The following KCNC2 variants were observed in gnomAD, a reference collection of about 807,000 sequenced individuals.
KCNC2 encodes the protein potassium voltage-gated channel subfamily C member 2.
In KCNC2, 21 loss-of-function variants were observed where a neutral mutation model predicts 44.5. That is an observed-to-expected ratio of 0.47 (90% CI 0.33 to 0.68). The LOEUF (loss-of-function observed/expected upper bound fraction) is 0.68. Ranked by LOEUF, KCNC2 falls within the 30% of genes least tolerant of loss-of-function variation. KCNC2 has a pLI of 0.01. For missense variants in KCNC2, 589 were observed against 826.2 expected, an observed-to-expected ratio of 0.71 and a Z score of 3.52; for synonymous variants, 391 against 339.1, an observed-to-expected ratio of 1.15 and a Z score of -1.68.
intron 2 of KCNC2, among the ~76,000 whole-genome samples, chr12:75,184,216 G>C (rs1892785723): frequency 6.6e-6 from 1 of 150,456 alleles, no homozygotes; most frequent in South Asian, 2.1e-4. Flanking sequence ...TCTCTGTGTG[G>C]CGTCATTAAC....
intron 2 of KCNC2, among the ~76,000 whole-genome samples, chr12:75,175,503 T>A (rs1394862913): frequency 6.6e-6 from 1 of 151,932 alleles, no homozygotes; most frequent in Non-Finnish European, 1.5e-5. Flanking sequence ...GTACATTTGG[T>A]TTTAGTTGAT....
intron 2 of KCNC2, among the ~76,000 whole-genome samples, chr12:75,155,947 C>T (rs2137494670): frequency 6.6e-6 from 1 of 151,914 alleles, no homozygotes; most frequent in South Asian, 2.1e-4. Context: ...CATATAGAAG[C>T]ATAAACAAAA....
intron 2 of KCNC2, among the ~76,000 whole-genome samples, chr12:75,055,199 G>A (rs2136962418): frequency 6.6e-6 from 1 of 152,164 alleles, no homozygotes; most frequent in South Asian, 2.1e-4. Flanking sequence ...ATAGATAAAG[G>A]GGTGGAAGAA....
At chr12:75,060,467 C>A (rs1882199800) in intron 2 of KCNC2, among the ~76,000 whole-genome samples, 1 of 151,784 alleles carries the variant, frequency 6.6e-6, no homozygotes, top group Non-Finnish European at 1.5e-5. Flanking sequence ...CTTTTAAAAA[C>A]CTTATTTTTA....
At chr12:75,048,011 A>G (rs1294866644) in intron 4 of KCNC2, 142 bp downstream of exon 4, 1 of 690,838 alleles carries the variant, frequency 1.4e-6, no homozygotes, top group Non-Finnish European at 2.5e-6. Flanking sequence ...TTCTAAGGAG[A>G]GAAGATGTAA....
intron 2 of KCNC2, among the ~76,000 whole-genome samples, chr12:75,066,440 A>G (rs1381919655): frequency 6.6e-6 from 1 of 152,206 alleles, no homozygotes; most frequent in Non-Finnish European, 1.5e-5. Flanking sequence ...CCTTTTGGCT[A>G]TAATTGCTGT....
intron 2 of KCNC2, among the ~76,000 whole-genome samples, chr12:75,139,929 T>C (rs766288393): frequency 2.6e-5 from 4 of 152,194 alleles, no homozygotes; most frequent in Non-Finnish European, 4.4e-5. Flanking sequence ...AATTTCTTCA[T>C]AGGCTTGATA....
chr12:75,200,751 A>G (rs112073108), intron 2 of KCNC2, among the ~76,000 whole-genome samples: 51 of 151,898 alleles, frequency 3.4e-4, no homozygotes, highest in African/African-American at 1.2e-3. Context: ...GAACATTATG[A>G]ACAAAATATA....
chr12:75,053,533 G>A (rs1041362313), intron 2 of KCNC2, among the ~76,000 whole-genome samples: 8 of 151,896 alleles, frequency 5.3e-5, no homozygotes, highest in Admixed American at 4.6e-4. Flanking sequence ...GTTTATGTAA[G>A]TTGTTTGGCA....
intron 2 of KCNC2, among the ~76,000 whole-genome samples, chr12:75,099,250 C>T (rs1194541169): frequency 1.3e-5 from 2 of 152,116 alleles, no homozygotes; most frequent in East Asian, 1.9e-4. Context: ...TTCTAAGATT[C>T]AAATGAGAGT....
At chr12:75,136,347 A>ATTTCTTTTTTT (rs1889229698) in intron 2 of KCNC2, among the ~76,000 whole-genome samples, 3 of 152,076 alleles carry the variant, frequency 2.0e-5, no homozygotes, top group Admixed American at 6.6e-5. Flanking sequence ...TCAGAATAGA[A>ATTTCTTTTTTT]CTAAGTGAAA....
At chr12:75,186,350 C>T (rs1458624) in intron 2 of KCNC2, among the ~76,000 whole-genome samples, 11,898 of 152,070 alleles carry the variant, frequency 0.078, 541 homozygotes, top group Admixed American at 0.14. Context: ...AAGGCATTCC[C>T]AGTGTTGCCC....
intron 2 of KCNC2, among the ~76,000 whole-genome samples, chr12:75,068,404 T>C (rs1592795347): frequency 6.6e-6 from 1 of 152,182 alleles, no homozygotes; most frequent in African/African-American, 2.4e-5. Context: ...GTCAAAGCAG[T>C]GGCAGCAGCC....
chr12:75,117,684 TTAAA>T (rs1887768952), intron 2 of KCNC2, among the ~76,000 whole-genome samples: 2 of 152,014 alleles, frequency 1.3e-5, no homozygotes. Context: ...TTTAAATCAA[TTAAA>T]TAATAATATA....
chr12:75,176,469 G>C (rs1892190578), intron 2 of KCNC2, among the ~76,000 whole-genome samples: 1 of 151,832 alleles, frequency 6.6e-6, no homozygotes, highest in Non-Finnish European at 1.5e-5. Flanking sequence ...GTAAGATCTA[G>C]TGCCCTACAC....
rs144251896 is a variant in KCNC2, at chr12:75,111,346, A to G, written c.688-60029T>C. 2.9e-3 allele frequency among the ~76,000 whole-genome samples: 435 copies of G among 151,900 alleles called. 1 individual carries two copies. The highest frequency in any genetic ancestry group is 3.5e-3 in the Non-Finnish European group (239 of 67,790). ...TCTATTTTAAGTTTTCTATTTTTCT[A>G]TTAACAATCTATTGCGTGAACCCAT... On this transcript the variant is annotated intron_variant, in intron 2 of 4. Coordinates refer to ENST00000549446, the MANE Select transcript of KCNC2 (RefSeq NM_139137.4).
intron 2 of KCNC2, among the ~76,000 whole-genome samples, chr12:75,061,819 T>C (rs1882371733): frequency 6.6e-6 from 1 of 152,082 alleles, no homozygotes; most frequent in South Asian, 2.1e-4. Context: ...TTTTACAAAT[T>C]GTTTTTAACT....
At chr12:75,164,571 T>A (rs771185964) in intron 2 of KCNC2, among the ~76,000 whole-genome samples, 1 of 151,684 alleles carries the variant, frequency 6.6e-6, no homozygotes, top group South Asian at 2.1e-4. Context: ...TCAGCTGGAG[T>A]GCATTCCTCT....
At chr12:75,181,265 C>T (rs1007029493) in intron 2 of KCNC2, among the ~76,000 whole-genome samples, 1 of 152,108 alleles carries the variant, frequency 6.6e-6, no homozygotes, top group Non-Finnish European at 1.5e-5. Context: ...TAATAATTAA[C>T]TCTTGTCACA....
Sources: allele counts gnomAD v4.1 joint callset (sites outside exome capture counted in the v4.1 genomes callset), GRCh38; gene constraint gnomAD v4.1.1; transcripts MANE v1.5; gene names NCBI Gene and HGNC (gene_info 2026-07-23, HGNC 2026-07-21).